The following TSPAN9 variants were observed in gnomAD, a reference collection of about 807,000 sequenced individuals.
TSPAN9 encodes tetraspanin 9.
Under a neutral mutation model 31.0 loss-of-function variants are expected in TSPAN9, and 16 were observed. The ratio of observed to expected loss-of-function variants is 0.52; its 90% CI spans 0.35 to 0.78. The LOEUF is 0.78. Ranked by LOEUF, TSPAN9 falls within the 30% of genes least tolerant of loss-of-function variation. The pLI, the probability that TSPAN9 is intolerant of heterozygous loss-of-function variation, is 0.01. For synonymous variants in TSPAN9, 145 were observed against 121.6 expected (o/e 1.19, Z -1.27); for missense variants, 272 against 312.5 (o/e 0.87, Z 0.98).
chr12:3,175,096 A>C lies in TSPAN9; in HGVS notation c.-17-26081A>C, dbSNP rs960055095. On this transcript the variant is annotated intron_variant, in intron 2 of 8. Coordinates refer to ENST00000011898, the MANE Select transcript of TSPAN9 (RefSeq NM_006675.5). ...GCGGACACAACCCTGAGTGCTGTGC[A>C]CACGACCCCTGCAGGGCGAGGCTGG... 3.3e-5 allele frequency among the ~76,000 whole-genome samples: 5 copies of C among 152,084 alleles called. No individual in the cohort carries two copies. In the East Asian group the frequency reaches 9.7e-4, roughly 29 times the overall value.
chr12:3,285,692 GA>G lies in TSPAN9; in HGVS notation c.*2577del, dbSNP rs1863002036. The G allele has an allele frequency of 6.6e-6, 1 of 152,236 alleles. No homozygotes were observed. Among genetic ancestry groups the G allele is most frequent in the Non-Finnish European group, 1.5e-5 (1 of 68,056 alleles). 9.4% of individuals were successfully genotyped at this position (152,236 alleles called of 1,614,324 possible). A position where few individuals can be genotyped will look rare whatever the true frequency, so the allele number is the denominator to read the frequency against. On this transcript the variant is annotated 3_prime_UTR_variant, in exon 9 of 9. Coordinates refer to ENST00000011898, the MANE Select transcript of TSPAN9 (RefSeq NM_006675.5). The stretch of plus-strand genomic sequence containing the variant: ...GATCTCACTGGGGTAGAATTCCCCT[GA>G]GAGAATTCCCTCACTCACGGCTCCC...
At chr12:3,257,705 C>T (rs1163724466) in intron 3 of TSPAN9, among the ~76,000 whole-genome samples, 2 of 130,794 alleles carry the variant, frequency 1.5e-5, no homozygotes, top group Non-Finnish European at 1.6e-5. Flanking sequence ...TTCTCACACC[C>T]TTTCTACCTA....
At chr12:3,229,300 A>G (rs534509996) in intron 3 of TSPAN9, among the ~76,000 whole-genome samples, 107 of 152,276 alleles carry the variant, frequency 7.0e-4, no homozygotes, top group Middle Eastern at 6.8e-3. Flanking sequence ...AATCAAGAAG[A>G]TGAATCCCTG....
chr12:3,111,249 C>T (rs145903871), intron 2 of TSPAN9, among the ~76,000 whole-genome samples: 14 of 152,326 alleles, frequency 9.2e-5, no homozygotes, highest in African/African-American at 3.1e-4. Context: ...CCTACCTCCT[C>T]GTAACACTTC....
intron 2 of TSPAN9, among the ~76,000 whole-genome samples, chr12:3,155,184 AC>A (rs1264564733): frequency 6.6e-6 from 1 of 152,062 alleles, no homozygotes; most frequent in Non-Finnish European, 1.5e-5. Flanking sequence ...CCAGCTTGTG[AC>A]CCCTGCTTTA....
At chr12:3,128,371 T>C (rs957018626) in intron 2 of TSPAN9, among the ~76,000 whole-genome samples, 1 of 152,080 alleles carries the variant, frequency 6.6e-6, no homozygotes, top group Non-Finnish European at 1.5e-5. Flanking sequence ...TCAAGCTCAG[T>C]GGGAAATGAA....
At chr12:3,273,872 C>T (rs1005282119) in intron 3 of TSPAN9, among the ~76,000 whole-genome samples, 1 of 152,224 alleles carries the variant, frequency 6.6e-6, no homozygotes, top group Non-Finnish European at 1.5e-5. Context: ...GCTCCCTCCC[C>T]GATCTCAGCC....
chr12:3,102,958 A>C (rs1591628872), intron 2 of TSPAN9, among the ~76,000 whole-genome samples: 1 of 152,148 alleles, frequency 6.6e-6, no homozygotes, highest in South Asian at 2.1e-4. Flanking sequence ...TGAACTCACG[A>C]GGTGAAGCCA....
chr12:3,223,657 C>A (rs1267830996), intron 3 of TSPAN9, among the ~76,000 whole-genome samples: 2 of 152,220 alleles, frequency 1.3e-5, no homozygotes, highest in Non-Finnish European at 1.5e-5. Flanking sequence ...CTCCAGCAGT[C>A]CCTGCATTTC....
At chr12:3,241,612 A>G (rs909459972) in intron 3 of TSPAN9, among the ~76,000 whole-genome samples, 1 of 152,222 alleles carries the variant, frequency 6.6e-6, no homozygotes, top group African/African-American at 2.4e-5. Flanking sequence ...TTAAACAAGC[A>G]CTTTCCTTCT....
At chr12:3,209,906 C>T (rs1398031877) in intron 3 of TSPAN9, among the ~76,000 whole-genome samples, 2 of 143,886 alleles carry the variant, frequency 1.4e-5, no homozygotes, top group African/African-American at 5.2e-5. Flanking sequence ...TTGCAGTGAG[C>T]CAAGATTGTG....
intron 2 of TSPAN9, among the ~76,000 whole-genome samples, chr12:3,112,017 T>A (rs2153965431): frequency 6.6e-6 from 1 of 152,270 alleles, no homozygotes; most frequent in Middle Eastern, 3.4e-3. Context: ...AGGTCGCCTT[T>A]ACATTTTCTT....
chr12:3,121,659 T>A (rs1372861575), intron 2 of TSPAN9, among the ~76,000 whole-genome samples: 2 of 150,062 alleles, frequency 1.3e-5, no homozygotes, highest in African/African-American at 4.9e-5. Flanking sequence ...GTTATAGATA[T>A]GAGCCACTGC....
At chr12:3,217,120 C>T (rs912443117) in intron 3 of TSPAN9, among the ~76,000 whole-genome samples, 1 of 152,204 alleles carries the variant, frequency 6.6e-6, no homozygotes, top group African/African-American at 2.4e-5. Context: ...TTTGGTGTTC[C>T]CAGGCTGCTA....
intron 3 of TSPAN9, among the ~76,000 whole-genome samples, chr12:3,247,312 C>G (rs1162463840): frequency 3.1e-5 from 1 of 32,332 alleles, no homozygotes; most frequent in Non-Finnish European, 8.8e-5. Flanking sequence ...CCCCCCCCCC[C>G]GCCACCCGCG....
chr12:3,095,622 C>CA (rs2098307933), intron 2 of TSPAN9, among the ~76,000 whole-genome samples: 1 of 98,306 alleles, frequency 1.0e-5, no homozygotes, highest in African/African-American at 4.7e-5. Context: ...GCTGGCCGGG[C>CA]GGAGGGCTGA....
chr12:3,172,448 T>C lies in TSPAN9; in HGVS notation c.-17-28729T>C, dbSNP rs2098352494. ...CTCTAAAACGAGAGAGATTAATAACTGGTGGTTCTTAGTCTGGCGCGAGCG... is the reference window on the plus strand; with the variant it reads ...CTCTAAAACGAGAGAGATTAATAACCGGTGGTTCTTAGTCTGGCGCGAGCG... On this transcript the variant is annotated intron_variant, in intron 2 of 8. Transcript: ENST00000011898. This position sits in a 1 kb window ranked among gnomAD's most constrained non-coding sequence, Gnocchi z 4.8. 1 of 152,410 alleles carries C rather than the reference T, an allele frequency of 6.6e-6. No homozygotes were observed. Among genetic ancestry groups the C allele is most frequent in the East Asian group, 1.9e-4 (1 of 5,186 alleles). The allele number at this position is 152,410 out of a possible 1,614,324, so 9.4% of individuals were successfully genotyped here.
At chr12:3,262,097 G>T (rs1190413057) in intron 3 of TSPAN9, among the ~76,000 whole-genome samples, 1 of 152,224 alleles carries the variant, frequency 6.6e-6, no homozygotes, top group African/African-American at 2.4e-5. Context: ...AGTAAAATCT[G>T]GTTCTTTTTC....
At chr12:3,100,018 T>G (rs1307120220) in intron 2 of TSPAN9, among the ~76,000 whole-genome samples, 2 of 152,102 alleles carry the variant, frequency 1.3e-5, no homozygotes, top group East Asian at 3.9e-4. Flanking sequence ...ATTTTTTGTA[T>G]TTTTAGTAGA....
Sources: gnomAD v4.1 joint callset for allele counts (sites outside exome capture counted in the v4.1 genomes callset) on GRCh38, gnomAD v4.1.1 for gene constraint, Gnocchi (gnomAD v3.1) non-coding constraint, MANE v1.5 for transcripts, NCBI Gene and HGNC (gene_info 2026-07-23, HGNC 2026-07-21) for gene names.